The following SGCZ variants were observed in gnomAD, a reference collection of about 807,000 sequenced individuals.
The protein encoded by SGCZ is zeta-sarcoglycan.
SGCZ carries 40 observed loss-of-function variants against 41.3 expected under a neutral mutation model. The ratio of observed to expected loss-of-function variants is 0.97; its 90% CI spans 0.75 to 1.26. The LOEUF is 1.26. Ranked by LOEUF, SGCZ falls within the 50% of genes most tolerant of loss-of-function variation. The pLI is 0.00. For synonymous variants in SGCZ, 206 were observed against 137.5 expected, an observed-to-expected ratio of 1.50 and a Z score of -3.49; for missense variants, 552 against 369.8, an observed-to-expected ratio of 1.49 and a Z score of -4.04.
chr8:15,203,484 G>C (rs1484965617), intron 1 of SGCZ, among the ~76,000 whole-genome samples: 1 of 152,120 alleles, frequency 6.6e-6, no homozygotes, highest in Non-Finnish European at 1.5e-5. Context: ...ACAAGATCTT[G>C]ATCTTGTAAA....
chr8:14,245,783 G>A (rs1799065442), intron 3 of SGCZ, among the ~76,000 whole-genome samples: 1 of 152,092 alleles, frequency 6.6e-6, no homozygotes, highest in Non-Finnish European at 1.5e-5. Flanking sequence ...AAAAGTGGGT[G>A]AAGGACATGA....
At chr8:15,193,358 C>A (rs1320735257) in intron 1 of SGCZ, among the ~76,000 whole-genome samples, 1 of 152,068 alleles carries the variant, frequency 6.6e-6, no homozygotes, top group Non-Finnish European at 1.5e-5. Context: ...ATCGTTATAA[C>A]TGTCACACGT....
At chr8:14,613,291 G>A (rs1805989325) in intron 1 of SGCZ, among the ~76,000 whole-genome samples, 1 of 152,096 alleles carries the variant, frequency 6.6e-6, no homozygotes, top group Non-Finnish European at 1.5e-5. Flanking sequence ...ATAACATAAT[G>A]TCACCTATTA....
intron 1 of SGCZ, among the ~76,000 whole-genome samples, chr8:14,649,593 G>A (rs891364304): frequency 1.3e-5 from 2 of 151,886 alleles, no homozygotes; most frequent in Non-Finnish European, 2.9e-5. Context: ...CAGATTTATT[G>A]GATATGAGAA....
intron 1 of SGCZ, among the ~76,000 whole-genome samples, chr8:14,699,908 C>T (rs1809080998): frequency 6.6e-6 from 1 of 151,932 alleles, no homozygotes; most frequent in African/African-American, 2.4e-5. Flanking sequence ...AGTGAGATAC[C>T]ACCTCACACT....
At chr8:14,329,849 T>C (rs1173038583) in intron 2 of SGCZ, among the ~76,000 whole-genome samples, 1 of 146,230 alleles carries the variant, frequency 6.8e-6, no homozygotes, top group Non-Finnish European at 1.6e-5. Flanking sequence ...TTTTGGTTTG[T>C]TTGTATTTGC....
intron 1 of SGCZ, among the ~76,000 whole-genome samples, chr8:14,976,567 T>C (rs529686701): frequency 3.9e-5 from 6 of 152,286 alleles, no homozygotes; most frequent in African/African-American, 1.4e-4. Context: ...CCTGTCTATC[T>C]CTAGCTGTGA....
At position 15,226,921 on chromosome 8, in the gene SGCZ, CT is replaced by C. The variant is rs1398560009; in HGVS notation, c.39+10663del. 9.2e-5 allele frequency among the ~76,000 whole-genome samples: 14 copies of C among 152,260 alleles called. No individual in the cohort carries two copies. In the East Asian group the frequency reaches 2.5e-3, roughly 27 times the overall value. ...GATAAGTAGAGAACGATCTTCTGAG[CT>C]CCAGCTTGGATGACAAAATGAATGG... is the stretch of plus-strand genomic sequence containing the variant. On this transcript the variant is annotated intron_variant, in intron 1 of 7. Transcript: ENST00000382080.
chr8:14,103,784 T>A (rs979406064), intron 6 of SGCZ, among the ~76,000 whole-genome samples: 2 of 152,202 alleles, frequency 1.3e-5, no homozygotes, highest in Non-Finnish European at 2.9e-5. Context: ...GTATTTTTTT[T>A]ATTAAAACTC....
At chr8:14,322,292 G>A (rs571825343) in intron 3 of SGCZ, among the ~76,000 whole-genome samples, 1 of 152,176 alleles carries the variant, frequency 6.6e-6, no homozygotes, top group South Asian at 2.1e-4. Flanking sequence ...ACACAGGAAG[G>A]ACCAGCATCA....
At chr8:15,058,297 G>A (rs1286978819) in intron 1 of SGCZ, among the ~76,000 whole-genome samples, 1 of 152,080 alleles carries the variant, frequency 6.6e-6, no homozygotes, top group Non-Finnish European at 1.5e-5. Context: ...TGTGTTGAAA[G>A]AGAAGGTCCA....
intron 4 of SGCZ, among the ~76,000 whole-genome samples, chr8:14,197,728 G>A (rs1307721356): frequency 2.0e-5 from 3 of 151,948 alleles, no homozygotes; most frequent in Non-Finnish European, 2.9e-5. Context: ...AAACCTAAGT[G>A]CTTTTCCCCT....
intron 1 of SGCZ, among the ~76,000 whole-genome samples, chr8:14,721,522 CG>C (rs1481125900): frequency 1.3e-5 from 2 of 152,136 alleles, no homozygotes; most frequent in African/African-American, 4.8e-5. Flanking sequence ...TATTTCACAT[CG>C]GCCCATCAAT....
chr8:14,939,965 A>G (rs1031370936), intron 1 of SGCZ, among the ~76,000 whole-genome samples: 2 of 152,136 alleles, frequency 1.3e-5, no homozygotes, highest in Non-Finnish European at 1.5e-5. Context: ...TGAAACATCT[A>G]TTTCAATTCT....
intron 3 of SGCZ, among the ~76,000 whole-genome samples, chr8:14,257,934 A>G (rs904569181): frequency 6.6e-6 from 1 of 152,182 alleles, no homozygotes; most frequent in Non-Finnish European, 1.5e-5. Context: ...AGACATATCT[A>G]CCTACCAATT....
At chr8:14,981,651 T>G (rs1801665537) in intron 1 of SGCZ, among the ~76,000 whole-genome samples, 3 of 152,196 alleles carry the variant, frequency 2.0e-5, no homozygotes, top group African/African-American at 7.2e-5. Flanking sequence ...CACATGATGG[T>G]GTCAACTCAC....
chr8:14,807,895 G>C (rs1801599225), intron 1 of SGCZ, among the ~76,000 whole-genome samples: 1 of 151,994 alleles, frequency 6.6e-6, no homozygotes, highest in African/African-American at 2.4e-5. Context: ...ATAGATCAAT[G>C]GAACAGAACA....
intron 1 of SGCZ, among the ~76,000 whole-genome samples, chr8:15,104,127 A>AG (rs35577017): frequency 0.072 from 10,945 of 152,254 alleles, 471 homozygotes; most frequent in Admixed American, 0.11. Context: ...GGAAATTCTC[A>AG]GGGATCAACA....
At chr8:14,814,358 G>C (rs771285703) in intron 1 of SGCZ, among the ~76,000 whole-genome samples, 5 of 152,196 alleles carry the variant, frequency 3.3e-5, no homozygotes, top group East Asian at 3.9e-4. Flanking sequence ...TAAGCGTGGA[G>C]AGGAGGTAGA....
Sources: gnomAD v4.1 joint callset for allele counts (sites outside exome capture counted in the v4.1 genomes callset) on GRCh38, gnomAD v4.1.1 for gene constraint, MANE v1.5 for transcripts, NCBI Gene and HGNC (gene_info 2026-07-23, HGNC 2026-07-21) for gene names.